Variants in DPP6 observed in about 807,000 individuals in gnomAD.
DPP6 encodes the protein A-type potassium channel modulatory protein DPP6.
DPP6 carries 69 observed loss-of-function variants against 122.6 expected under a neutral mutation model. The ratio of observed to expected loss-of-function variants is 0.56; its 90% CI spans 0.46 to 0.69. The LOEUF (loss-of-function observed/expected upper bound fraction) is 0.69. Among genes scored for constraint, DPP6 ranks in the 30% least tolerant of loss-of-function variants. The pLI is 0.00. For synonymous variants in DPP6, 418 were observed against 433.1 expected, an observed-to-expected ratio of 0.97 and a Z score of 0.43; for missense variants, 928 against 1,116.9, an observed-to-expected ratio of 0.83 and a Z score of 2.41.
intron 16 of DPP6, among the ~76,000 whole-genome samples, chr7:154,852,396 G>A (rs952869082): frequency 1.3e-5 from 2 of 151,888 alleles, no homozygotes; most frequent in African/African-American, 2.4e-5. Flanking sequence ...TGTCTCCCTG[G>A]GACCACCCAC....
the DPP6 span, among the ~76,000 whole-genome samples, chr7:153,755,422 C>G: frequency 7.0e-6 from 1 of 142,330 alleles, no homozygotes; most frequent in Non-Finnish European, 1.5e-5. Flanking sequence ...TTTCATTTTC[C>G]CAGTGTTACA....
Position 154,863,604 on chromosome 7 carries a change from CA to C in DPP6, c.1715-4390del. 6.6e-6 allele frequency among the ~76,000 whole-genome samples: 1 copy of C among 152,146 alleles called. No homozygotes were observed. The highest frequency in any genetic ancestry group is 1.9e-4 in the East Asian group (1 of 5,164). On this transcript the variant is annotated intron_variant, in intron 17 of 25. Coordinates refer to ENST00000377770, the MANE Select transcript of DPP6 (RefSeq NM_130797.4). The surrounding 1 kb of genome is among the most constrained non-coding windows in gnomAD (Gnocchi z 4.1). ...CCCAGCAAGGAAGATCTCTTGAGTC[CA>C]GGAGTTTGAGACTAGCCTGGGAAAC...
At chr7:153,862,153 G>A in the DPP6 span, among the ~76,000 whole-genome samples, 8 of 152,160 alleles carry the variant, frequency 5.3e-5, no homozygotes, top group Admixed American at 2.6e-4. Flanking sequence ...AAAGAATGAC[G>A]AGGAGGCACA....
intron 1 of DPP6, among the ~76,000 whole-genome samples, chr7:154,378,544 C>A (rs1813316509): frequency 6.6e-6 from 1 of 152,178 alleles, no homozygotes; most frequent in Non-Finnish European, 1.5e-5. Context: ...GGGCTCCCTT[C>A]CTGGTTTGCA....
At chr7:153,897,677 G>A (rs1209007424) in intron 1 of DPP6, among the ~76,000 whole-genome samples, 1 of 152,150 alleles carries the variant, frequency 6.6e-6, no homozygotes, top group Non-Finnish European at 1.5e-5. Context: ...TTTGATCAGG[G>A]TAACTGTGAA....
intron 1 of DPP6, among the ~76,000 whole-genome samples, chr7:154,150,455 A>G (rs539910067): frequency 1.3e-5 from 2 of 152,322 alleles, no homozygotes; most frequent in South Asian, 2.1e-4. Context: ...GATATACTGA[A>G]AAACAGAGCA....
intron 5 of DPP6, among the ~76,000 whole-genome samples, chr7:154,590,417 G>C (rs1376213292): frequency 6.6e-6 from 1 of 150,876 alleles, no homozygotes; most frequent in Admixed American, 6.6e-5. Context: ...GAACCTCTCA[G>C]TATTGTAACA....
intron 16 of DPP6, among the ~76,000 whole-genome samples, chr7:154,816,509 G>C (rs1411222235): frequency 1.3e-5 from 2 of 152,176 alleles, no homozygotes; most frequent in South Asian, 2.1e-4. Context: ...GGGCACCACT[G>C]TACCTGTCCT....
At chr7:154,083,250 A>G (rs1295097001) in intron 1 of DPP6, among the ~76,000 whole-genome samples, 11 of 151,916 alleles carry the variant, frequency 7.2e-5, no homozygotes, top group Non-Finnish European at 1.3e-4. Flanking sequence ...GATTTTGACT[A>G]CCTGTTCTAA....
intron 7 of DPP6, among the ~76,000 whole-genome samples, chr7:154,704,011 G>T (rs1840683481): frequency 6.6e-6 from 1 of 152,196 alleles, no homozygotes; most frequent in South Asian, 2.1e-4. Flanking sequence ...ATGGATCTGG[G>T]CAAAGTACAT....
At chr7:154,688,693 G>T (rs1332217955) in intron 7 of DPP6, among the ~76,000 whole-genome samples, 1 of 152,088 alleles carries the variant, frequency 6.6e-6, no homozygotes, top group Non-Finnish European at 1.5e-5. Context: ...TGGAGGTTTG[G>T]CCCATCTCTC....
chr7:154,181,851 T>C (rs4400301), intron 1 of DPP6, among the ~76,000 whole-genome samples: 50,895 of 150,816 alleles, frequency 0.34, 8,832 homozygotes, highest in African/African-American at 0.41. Flanking sequence ...CCTGTTCAAG[T>C]GATTCTCCTG....
chr7:154,888,383 CT>C (rs750349968), intron 23 of DPP6, among the ~76,000 whole-genome samples: 149 of 152,306 alleles, frequency 9.8e-4, no homozygotes, highest in African/African-American at 3.4e-3. Context: ...GCCACCACCC[CT>C]GGTCCGAGAG....
At chr7:154,319,706 CA>C (rs1374692804) in intron 1 of DPP6, among the ~76,000 whole-genome samples, 4 of 151,450 alleles carry the variant, frequency 2.6e-5, no homozygotes, top group African/African-American at 9.7e-5. Flanking sequence ...AAAAAATATG[CA>C]ACATGCCGGG....
At chr7:154,250,958 A>G (rs1802314111) in intron 1 of DPP6, among the ~76,000 whole-genome samples, 1 of 152,226 alleles carries the variant, frequency 6.6e-6, no homozygotes, top group South Asian at 2.1e-4. Flanking sequence ...GGGCGTCCCT[A>G]GTCCCAAAGA....
At chr7:154,678,567 A>G (rs1472680002) in intron 7 of DPP6, among the ~76,000 whole-genome samples, 1 of 151,978 alleles carries the variant, frequency 6.6e-6, no homozygotes, top group African/African-American at 2.4e-5. Flanking sequence ...AATTCCGGAC[A>G]CAGCATCTTC....
chr7:154,321,272 G>A (rs1299918038), intron 1 of DPP6, among the ~76,000 whole-genome samples: 1 of 147,286 alleles, frequency 6.8e-6, no homozygotes, highest in Non-Finnish European at 1.5e-5. Context: ...GCCAGACCCT[G>A]TCTTTAAAAA....
At chr7:154,294,371 T>G (rs1228388025) in intron 1 of DPP6, among the ~76,000 whole-genome samples, 1 of 152,178 alleles carries the variant, frequency 6.6e-6, no homozygotes, top group Admixed American at 6.5e-5. Flanking sequence ...TAGATTTCCA[T>G]TGCTTATACT....
intron 1 of DPP6, among the ~76,000 whole-genome samples, chr7:154,310,039 G>A (rs1157199823): frequency 6.6e-6 from 1 of 152,162 alleles, no homozygotes; most frequent in Non-Finnish European, 1.5e-5. Flanking sequence ...TCCAGAGCCG[G>A]GAGACAGGAT....
Sources: allele counts gnomAD v4.1 joint callset (sites outside exome capture counted in the v4.1 genomes callset), GRCh38; gene constraint gnomAD v4.1.1; non-coding constraint Gnocchi (gnomAD v3.1); transcripts MANE v1.5; gene names NCBI Gene and HGNC (gene_info 2026-07-23, HGNC 2026-07-21).